The following KIAA1217 variants were observed in gnomAD, a reference collection of about 807,000 sequenced individuals.
KIAA1217 encodes sickle tail protein homolog.
A neutral mutation model predicts 163.9 loss-of-function variants in KIAA1217; 88 were observed. The observed-to-expected ratio is 0.54, with a 90% CI of 0.45 to 0.64. The LOEUF (loss-of-function observed/expected upper bound fraction) is 0.64. Among genes scored for constraint, KIAA1217 ranks in the 30% least tolerant of loss-of-function variants. KIAA1217 has a pLI of 0.00. For synonymous variants in KIAA1217, 903 were observed against 923.1 expected (o/e 0.98, Z 0.39); for missense variants, 2,372 against 2,475.0 (o/e 0.96, Z 0.88).
intron 1 of KIAA1217, among the ~76,000 whole-genome samples, chr10:23,820,112 A>G (rs1837550986): frequency 6.6e-6 from 1 of 152,082 alleles, no homozygotes; most frequent in South Asian, 2.1e-4. Context: ...TATTGGGGGG[A>G]GGACCACAAA....
chr10:23,918,735 C>T (rs11013785), intron 1 of KIAA1217, among the ~76,000 whole-genome samples: 27,011 of 114,122 alleles, frequency 0.24, 2,498 homozygotes, highest in Middle Eastern at 0.35. Flanking sequence ...TAAATATATA[C>T]ACACACACAC....
intron 1 of KIAA1217, among the ~76,000 whole-genome samples, chr10:23,969,689 TC>T (rs1325411566): frequency 6.6e-6 from 1 of 152,246 alleles, no homozygotes; most frequent in Admixed American, 6.5e-5. Flanking sequence ...AGTCCCTTTA[TC>T]AAATATATGG....
intron 2 of KIAA1217, among the ~76,000 whole-genome samples, chr10:24,182,782 G>A (rs959264133): frequency 4.6e-5 from 7 of 152,174 alleles, no homozygotes; most frequent in South Asian, 2.1e-4. Flanking sequence ...TAAAATTGTA[G>A]TGCTCCTGGT....
chr10:24,148,661 T>C (rs920916804), intron 2 of KIAA1217, among the ~76,000 whole-genome samples: 5 of 152,208 alleles, frequency 3.3e-5, no homozygotes, highest in Non-Finnish European at 5.9e-5. Flanking sequence ...TCCGCCTTGA[T>C]TGTAAGCTTC....
At chr10:23,723,434 T>G (rs1249886406) in intron 1 of KIAA1217, among the ~76,000 whole-genome samples, 1 of 152,152 alleles carries the variant, frequency 6.6e-6, no homozygotes, top group Non-Finnish European at 1.5e-5. Context: ...ATTAGAGATT[T>G]TTATAAAAAT....
At chr10:24,212,319 G>A (rs58621284) in intron 1 of KIAA1217, among the ~76,000 whole-genome samples, 2,596 of 152,206 alleles carry the variant, frequency 0.017, 71 homozygotes, top group African/African-American at 0.059. Context: ...TTTATGGTTT[G>A]AGGTTCTGAG....
chr10:23,803,607 G>A (rs149868679), intron 1 of KIAA1217, among the ~76,000 whole-genome samples: 11 of 152,256 alleles, frequency 7.2e-5, no homozygotes, highest in East Asian at 3.9e-4. Context: ...AGTGAACATC[G>A]TGCAGATGCA....
At chr10:24,376,295 C>G (rs1218916417) in intron 2 of KIAA1217, among the ~76,000 whole-genome samples, 1 of 152,126 alleles carries the variant, frequency 6.6e-6, no homozygotes, top group African/African-American at 2.4e-5. Context: ...ATCTTTTCTT[C>G]TTATATGATG....
At chr10:24,436,909 T>C (rs1320513112) in intron 4 of KIAA1217, among the ~76,000 whole-genome samples, 11 of 152,204 alleles carry the variant, frequency 7.2e-5, no homozygotes, top group Admixed American at 7.2e-4. Flanking sequence ...GCTAAACAGT[T>C]GCCTATCTCA....
chr10:23,740,727 A>T (rs6482338), intron 1 of KIAA1217, among the ~76,000 whole-genome samples: 34,919 of 151,696 alleles, frequency 0.23, 4,354 homozygotes, highest in African/African-American at 0.32. Flanking sequence ...TCATCCTTGT[A>T]GCCATCCTAA....
At chr10:24,198,380 G>T (rs542198923) in intron 2 of KIAA1217, among the ~76,000 whole-genome samples, 2 of 152,188 alleles carry the variant, frequency 1.3e-5, no homozygotes, top group South Asian at 4.1e-4. Context: ...AGGCTGAGGC[G>T]GGTGGATCAC....
At chr10:24,262,628 GAAAAA>G (rs1331931820) in intron 2 of KIAA1217, among the ~76,000 whole-genome samples, 14 of 70,842 alleles carry the variant, frequency 2.0e-4, no homozygotes, top group Non-Finnish European at 4.1e-4. Context: ...CCGTCTCAAA[GAAAAA>G]AAAAAAAAAA....
intron 1 of KIAA1217, among the ~76,000 whole-genome samples, chr10:23,926,968 C>A (rs535890304): frequency 6.6e-6 from 1 of 151,972 alleles, no homozygotes; most frequent in Non-Finnish European, 1.5e-5. Flanking sequence ...AGTGCAGTCA[C>A]GTGATCTGGG....
At chr10:24,484,135 G>GTA (rs145860765) in intron 6 of KIAA1217, among the ~76,000 whole-genome samples, 32 of 142,838 alleles carry the variant, frequency 2.2e-4, no homozygotes, top group African/African-American at 7.2e-4. Flanking sequence ...ATATTTATGT[G>GTA]TATATATATG....
chr10:24,239,085 C>A, intron 2 of KIAA1217: 2 of 872,162 alleles, frequency 2.3e-6, no homozygotes, highest in South Asian at 5.3e-5. Flanking sequence ...TGATGTCATG[C>A]TTGAAAGAGC....
chr10:24,050,825 A>G (rs568652654), intron 2 of KIAA1217, among the ~76,000 whole-genome samples: 7 of 152,298 alleles, frequency 4.6e-5, no homozygotes, highest in African/African-American at 7.2e-5. Context: ...TTCTAACTCA[A>G]TGCTTTTTTT....
chr10:23,926,160 C>G (rs1472815820), intron 1 of KIAA1217, among the ~76,000 whole-genome samples: 1 of 152,114 alleles, frequency 6.6e-6, no homozygotes, highest in Non-Finnish European at 1.5e-5. Flanking sequence ...CTCAGTATCT[C>G]CTCCCTGTTC....
chr10:23,773,266 T>G (rs1834871204), intron 1 of KIAA1217, among the ~76,000 whole-genome samples: 1 of 152,134 alleles, frequency 6.6e-6, no homozygotes, highest in African/African-American at 2.4e-5. Context: ...AAAGATCAGA[T>G]AGTTGTAGAT....
At chr10:23,888,675 A>G (rs1033830985) in intron 1 of KIAA1217, among the ~76,000 whole-genome samples, 1 of 151,884 alleles carries the variant, frequency 6.6e-6, no homozygotes, top group Non-Finnish European at 1.5e-5. Flanking sequence ...GCACCAAGGC[A>G]ATTCTGCTAA....
Sources: gnomAD v4.1 joint callset for allele counts (sites outside exome capture counted in the v4.1 genomes callset) on GRCh38, gnomAD v4.1.1 for gene constraint, MANE v1.5 for transcripts, NCBI Gene and HGNC (gene_info 2026-07-23, HGNC 2026-07-21) for gene names.